SNX27: variants seen among roughly 807,000 people sequenced by gnomAD.
SNX27 encodes the protein sorting nexin-27.
In SNX27, 22 loss-of-function variants were observed where a neutral mutation model predicts 71.6. That is an observed-to-expected ratio of 0.31 (90% confidence interval 0.22 to 0.44). The LOEUF (loss-of-function observed/expected upper bound fraction) is 0.44, where lower values mean the gene tolerates loss of function less well. SNX27 is among the 20% of genes least tolerant of loss of function. The pLI is 1.00. For synonymous variants in SNX27, 269 were observed against 277.2 expected (o/e 0.97, Z 0.29); for missense variants, 531 against 698.6 (o/e 0.76, Z 2.70).
chr1:151,663,065 G>A (rs1164583006), intron 5 of SNX27, among the ~76,000 whole-genome samples: 1 of 151,674 alleles, frequency 6.6e-6, no homozygotes, highest in East Asian at 1.9e-4. Flanking sequence ...CTACTCCATA[G>A]TCACATTTTT....
chr1:151,612,319 G>A lies in SNX27; in HGVS notation c.118G>A (p.Gly40Ser), dbSNP rs1354158738. Residue 40 changes from glycine to serine, a missense_variant, in exon 1 of 12, where the codon GGC becomes AGC. Physicochemically the swap from Gly to Ser is moderately conservative, Grantham distance 56. Transcript: ENST00000458013. The surrounding 1 kb of genome is among the most constrained non-coding windows in gnomAD (Gnocchi z 5.2). ...CGGGAACGGCGGCGGGGGAGGCGGC[G>A]GCCCGCGGGTCGTGCGCATCGTCAA... Reference protein sequence around the residue: ...CAGNGGGGGGGPRVVRIVKSE... With the variant: ...CAGNGGGGGGSPRVVRIVKSE... 1 of 1,521,838 alleles carries A rather than the reference G, an allele frequency of 6.6e-7. No homozygotes were observed. The highest frequency in any genetic ancestry group is 8.8e-7 in the Non-Finnish European group (1 of 1,139,168). 94.3% of individuals were successfully genotyped at this position (1,521,838 alleles called of 1,614,324 possible). A position where few individuals can be genotyped will look rare whatever the true frequency, so the allele number is the denominator to read the frequency against.
intron 1 of SNX27, among the ~76,000 whole-genome samples, chr1:151,630,110 C>CA (rs200240392): frequency 0.35 from 46,349 of 133,222 alleles, 7,486 homozygotes; most frequent in Middle Eastern, 0.46. Context: ...GACTTTGTCT[C>CA]AAAAAAAAAA....
chr1:151,680,033 A>G (rs1411828618), intron 7 of SNX27: 1 of 151,966 alleles, frequency 6.6e-6, no homozygotes, highest in African/African-American at 2.4e-5. Flanking sequence ...TTTTAGTACT[A>G]TATGTTTTGT....
At chr1:151,626,148 T>C (rs1232856781) in intron 1 of SNX27, among the ~76,000 whole-genome samples, 1 of 151,058 alleles carries the variant, frequency 6.6e-6, no homozygotes, top group South Asian at 2.1e-4. Flanking sequence ...AAAAATAAAA[T>C]TAAAAAAGAT....
chr1:151,643,024 C>T (rs890433048), intron 2 of SNX27, among the ~76,000 whole-genome samples: 8 of 151,994 alleles, frequency 5.3e-5, no homozygotes, highest in East Asian at 1.9e-4. Flanking sequence ...AGTGCAACGG[C>T]GTGATCTTGG....
chr1:151,687,612 T>C (rs1472558392), intron 8 of SNX27, among the ~76,000 whole-genome samples: 1 of 152,128 alleles, frequency 6.6e-6, no homozygotes, highest in African/African-American at 2.4e-5. Flanking sequence ...CCTTGACCCA[T>C]TCACCTAAAG....
intron 2 of SNX27, among the ~76,000 whole-genome samples, chr1:151,645,642 CTT>C (rs1669001535): frequency 1.3e-5 from 2 of 152,200 alleles, no homozygotes; most frequent in African/African-American, 4.8e-5. Flanking sequence ...CTGGTTTTCT[CTT>C]GTCTTGGATT....
intron 7 of SNX27, chr1:151,679,715 A>T (rs1354936929): frequency 1.3e-5 from 2 of 152,240 alleles, no homozygotes; most frequent in African/African-American, 4.8e-5. Context: ...ATAGCATAGT[A>T]TATAGCTTAG....
At chr1:151,631,676 T>A (rs1332236133) in intron 1 of SNX27, among the ~76,000 whole-genome samples, 2 of 152,202 alleles carry the variant, frequency 1.3e-5, no homozygotes, top group African/African-American at 4.8e-5. Context: ...TGCTTTACAA[T>A]CTTAAATGCT....
intron 7 of SNX27, among the ~76,000 whole-genome samples, chr1:151,670,057 C>T (rs1335570748): frequency 6.6e-6 from 1 of 152,148 alleles, no homozygotes; most frequent in Non-Finnish European, 1.5e-5. Flanking sequence ...ACTACCCTTC[C>T]CAGAGTCTGG....
At chr1:151,651,687 G>A (rs1201359095) in intron 2 of SNX27, among the ~76,000 whole-genome samples, 2 of 151,532 alleles carry the variant, frequency 1.3e-5, no homozygotes, top group Non-Finnish European at 1.5e-5. Context: ...ATGGGATGGC[G>A]GCTGGGCGGA....
intron 1 of SNX27, among the ~76,000 whole-genome samples, chr1:151,622,582 A>C (rs1161749885): frequency 3.9e-5 from 6 of 152,224 alleles, no homozygotes; most frequent in Non-Finnish European, 8.8e-5. Flanking sequence ...CAGTATACCA[A>C]GTTAAAATCA....
At chr1:151,651,419 G>C (rs1311570312) in intron 2 of SNX27, among the ~76,000 whole-genome samples, 1 of 151,564 alleles carries the variant, frequency 6.6e-6, no homozygotes, top group Non-Finnish European at 1.5e-5. Context: ...GTGGCTGCCG[G>C]GCGGAGACGC....
chr1:151,620,535 C>T (rs138634029), intron 1 of SNX27, among the ~76,000 whole-genome samples: 1 of 152,236 alleles, frequency 6.6e-6, no homozygotes, highest in East Asian at 1.9e-4. Flanking sequence ...ATTTCACAAT[C>T]GAATCCAGCT....
intron 2 of SNX27, among the ~76,000 whole-genome samples, chr1:151,649,341 G>C (rs562537902): frequency 1.3e-5 from 2 of 152,202 alleles, no homozygotes; most frequent in African/African-American, 4.8e-5. Context: ...CCAGCACTTT[G>C]GGAGGCTGAG....
chr1:151,615,633 G>A, intron 1 of SNX27: 1 of 945,778 alleles, frequency 1.1e-6, no homozygotes, highest in Non-Finnish European at 1.3e-6. Context: ...CAGAATTAGG[G>A]ATAGGTGGAT....
intron 1 of SNX27, among the ~76,000 whole-genome samples, chr1:151,617,320 C>G (rs1019641826): frequency 1.3e-5 from 2 of 151,846 alleles, no homozygotes; most frequent in Non-Finnish European, 2.9e-5. Flanking sequence ...CTCTTGTTGC[C>G]CAGGCTGGAG....
rs1050210009 is a variant in SNX27 at position 151,695,434 on chromosome 1, T to C, written c.*1017T>C. On this transcript the variant is annotated 3_prime_UTR_variant, in exon 12 of 12. Coordinates refer to ENST00000458013, the MANE Select transcript of SNX27 (RefSeq NM_001330723.2). ...CCTTTTTTTTTTTTTTTTTTTTTTT[T>C]TTCTGAGACAGGGTCTTACTCTGTC... 8.2e-5 allele frequency: 12 copies of C among 146,334 alleles called. No homozygotes were observed. The East Asian group carries it at 1.4e-3, about 17-fold the overall frequency. The allele number at this position is 146,334 out of a possible 1,614,324, so 9.1% of individuals were successfully genotyped here.
chr1:151,650,764 G>A (rs1451957600), intron 2 of SNX27, among the ~76,000 whole-genome samples: 1 of 151,892 alleles, frequency 6.6e-6, no homozygotes, highest in Non-Finnish European at 1.5e-5. Context: ...CGCAGTGTTT[G>A]TGTCCCTGGG....
Sources: gnomAD v4.1 joint callset for allele counts (sites outside exome capture counted in the v4.1 genomes callset) on GRCh38, gnomAD v4.1.1 for gene constraint, Gnocchi (gnomAD v3.1) non-coding constraint, MANE v1.5 for transcripts, NCBI Gene and HGNC (gene_info 2026-07-23, HGNC 2026-07-21) for gene names.